Variants in COL6A5 observed in about 807,000 individuals in gnomAD.
COL6A5 encodes the protein collagen alpha-5(VI) chain.
COL6A5 carries 48 observed loss-of-function variants against 65.6 expected under a neutral mutation model. The ratio of observed to expected loss-of-function variants is 0.73; its 90% CI spans 0.58 to 0.93. COL6A5 has a LOEUF of 0.93. Among genes scored for constraint, COL6A5 ranks in the 40% least tolerant of loss-of-function variants. COL6A5 has a pLI of 0.00. For synonymous variants in COL6A5, 291 were observed against 322.8 expected (o/e 0.90, Z 1.05); for missense variants, 914 against 928.3 (o/e 0.98, Z 0.20).
intron 2 of COL6A5, 150 bp from the exon 35 acceptor site, chr3:130,440,016 T>G (rs1362074639): frequency 1.4e-6 from 1 of 724,048 alleles, no homozygotes; most frequent in Non-Finnish European, 2.2e-6. Flanking sequence ...ACATTGAAAA[T>G]TTCTCATTAA....
At chr3:130,365,526 C>G (rs1479328741) in intron 1 of COL6A5, among the ~76,000 whole-genome samples, 1 of 152,210 alleles carries the variant, frequency 6.6e-6, no homozygotes, top group Non-Finnish European at 1.5e-5. Context: ...ATCCGCCCGC[C>G]TCGGCCTCCC....
At chr3:130,429,404 T>C (rs1937699914), upstream of COL6A5, among the ~76,000 whole-genome samples, 1 of 152,240 alleles carries the variant, frequency 6.6e-6, no homozygotes, top group Non-Finnish European at 1.5e-5. Context: ...TAAAATTCTG[T>C]TGACATCTTC....
At chr3:130,446,510 A>T (rs370590317) in intron 4 of COL6A5, among the ~76,000 whole-genome samples, 6 of 152,252 alleles carry the variant, frequency 3.9e-5, no homozygotes, top group East Asian at 1.9e-4. Context: ...AAGAAGAAAA[A>T]GAAAGGTAAT....
At chr3:130,386,545 C>T (rs1936194690) in intron 5 of COL6A5, among the ~76,000 whole-genome samples, 1 of 152,064 alleles carries the variant, frequency 6.6e-6, no homozygotes, top group African/African-American at 2.4e-5. Flanking sequence ...GTTCATTTTT[C>T]TCCCTGTTAT....
chr3:130,455,728 C>G, intron 5 of COL6A5, 62 bp downstream of exon 37: 1 of 1,313,484 alleles, frequency 7.6e-7, no homozygotes, highest in Non-Finnish European at 1.1e-6. Flanking sequence ...TCTTTTAACA[C>G]TAGTAGAAAA....
exon 15 of COL6A5, chr3:130,406,002 G>A: frequency 6.4e-7 from 1 of 1,551,440 alleles, no homozygotes; most frequent in Non-Finnish European, 8.7e-7. Context: ...GGGACTCAAA[G>A]GATTTTCTGG....
At chr3:130,415,293 A>G (rs112137948) in intron 22 of COL6A5, among the ~76,000 whole-genome samples, 4,895 of 152,200 alleles carry the variant, frequency 0.032, 100 homozygotes, top group South Asian at 0.083. Flanking sequence ...TTTACACATT[A>G]ATAAGGGCTT....
exon 7 of COL6A5, chr3:130,391,611 C>T (rs1264874621): frequency 6.4e-7 from 1 of 1,551,510 alleles, no homozygotes; most frequent in Non-Finnish European, 8.7e-7. Context: ...ACCATCTTTG[C>T]AGTGGGTGTA....
intron 5 of COL6A5, among the ~76,000 whole-genome samples, chr3:130,387,652 A>G (rs1936241160): frequency 6.6e-6 from 1 of 152,014 alleles, no homozygotes; most frequent in East Asian, 1.9e-4. Flanking sequence ...CATTTTTTTA[A>G]TATATGGCTG....
rs1019771091 is a variant in COL6A5 at position 130,440,136 on chromosome 3, C to T, written c.582-30C>T. The T allele has an allele frequency of 5.7e-6, 9 of 1,574,050 alleles. No homozygotes were observed. The Admixed American group carries it at 8.9e-5, about 16-fold the overall frequency. On this transcript the variant is annotated intron_variant, in intron 2 of 7. Transcript: ENST00000512836. ...AGTGTCTTGTTGGGTCAGTGTTGAA[C>T]CAATGATGTGTCTCTCTGTGTGTTT...
chr3:130,471,681 G>T lies in COL6A5; in HGVS notation c.2328+714G>T. 6.5e-7 allele frequency: 1 copy of T among 1,534,160 alleles called. No individual in the cohort carries two copies. The highest frequency in any genetic ancestry group is 1.2e-5 in the South Asian group (1 of 83,778). On this transcript the variant is annotated intron_variant, in intron 7 of 7. Transcript: ENST00000512836. ...TTTATCTCTCTTCTCTATTACCTCA[G>T]ACTTCTTCCTGGGATATATGAAATA...
At chr3:130,451,802 A>C (rs1709447511) in intron 4 of COL6A5, among the ~76,000 whole-genome samples, 1 of 152,078 alleles carries the variant, frequency 6.6e-6, no homozygotes, top group Admixed American at 6.6e-5. Flanking sequence ...GCTGTGCCAG[A>C]GAGGAAGGTT....
chr3:130,406,397 G>T, intron 17 of COL6A5, 76 bp downstream of exon 17: 1 of 1,121,856 alleles, frequency 8.9e-7, no homozygotes, highest in Non-Finnish European at 1.3e-6. Flanking sequence ...GTGTGTCAGT[G>T]GTTATAGGGG....
chr3:130,411,499 C>T (rs16827427), intron 20 of COL6A5, among the ~76,000 whole-genome samples: 17,509 of 152,186 alleles, frequency 0.12, 1,073 homozygotes, highest in Middle Eastern at 0.14. Flanking sequence ...TCTTGAACCA[C>T]AATTCTTAAA....
Position 130,376,851 on chromosome 3 carries a change from G to C in COL6A5, c.667+15G>C, listed in dbSNP as rs754058364. ...TGATATGCAAGGTAAGGAAACCCTTGGTTGAAGAGGTGCCTGATCCCCAGG... is the reference window on the plus strand; with the variant it reads ...TGATATGCAAGGTAAGGAAACCCTTCGTTGAAGAGGTGCCTGATCCCCAGG... On this transcript the variant is annotated intron_variant and NMD_transcript_variant, in intron 3 of 41. Coordinates refer to the COL6A5 transcript ENST00000312481. The C allele has an allele frequency of 1.3e-6, 2 of 1,588,906 alleles. No homozygotes were observed. The highest frequency in any genetic ancestry group is 3.5e-5 in the Admixed American group (2 of 57,312).
Position 130,469,338 on chromosome 3 carries a change from TTG to T in COL6A5, c.2089_2090del (p.Phe697LeufsTer3). On this transcript the variant is annotated frameshift_variant, in exon 6 of 8. Coordinates refer to ENST00000512836, the Ensembl canonical transcript of COL6A5. LOFTEE classifies it high-confidence loss of function. ...GGCTACTCCATATTTGTGTTTTCCT[TTG>T]GCCCTAAACACAATGACAAAGAATT... is the stretch of plus-strand genomic sequence containing the variant. The T allele has an allele frequency of 1.2e-6, 2 of 1,612,828 alleles. No homozygotes were observed. The highest frequency in any genetic ancestry group is 2.7e-5 in the African/African-American group (2 of 74,856).
chr3:130,483,951 G>C lies in COL6A5; in HGVS notation c.2329-84G>C. 8.8e-6 allele frequency: 10 copies of C among 1,135,866 alleles called. No homozygotes were observed. The South Asian group carries it at 1.3e-4, about 15-fold the overall frequency. The allele number at this position is 1,135,866 out of a possible 1,614,324, so 70.4% of individuals were successfully genotyped here. A position where few individuals can be genotyped will look rare whatever the true frequency, so the allele number is the denominator to read the frequency against. On this transcript the variant is annotated intron_variant, in intron 7 of 7. Coordinates refer to ENST00000512836, the Ensembl canonical transcript of COL6A5. The stretch of plus-strand genomic sequence containing the variant: ...AAAATATTGTGTTTGTTTTATATGT[G>C]GCATATAAAGGAGTAGGCCCTGGAG...
intron 2 of COL6A5, 65 bp from the exon 35 acceptor site, chr3:130,440,101 A>G: frequency 7.9e-7 from 1 of 1,273,634 alleles, no homozygotes; most frequent in Non-Finnish European, 1.1e-6. Context: ...TCACTTGAAG[A>G]TCTCAAACAA....
intron 7 of COL6A5, 28 bp from the exon 41 acceptor site, chr3:130,484,007 A>T (rs544395271): frequency 1.2e-6 from 2 of 1,600,732 alleles, no homozygotes; most frequent in African/African-American, 2.7e-5. Flanking sequence ...ATGACATTAA[A>T]AGCAGTGAAT....
Sources: allele counts gnomAD v4.1 joint callset (sites outside exome capture counted in the v4.1 genomes callset), GRCh38; gene constraint gnomAD v4.1.1; transcripts MANE v1.5; gene names NCBI Gene and HGNC (gene_info 2026-07-23, HGNC 2026-07-21).